The following CDKL5 variants were observed in gnomAD, a reference collection of about 807,000 sequenced individuals.
The protein encoded by CDKL5 is cyclin-dependent kinase-like 5.
CDKL5 carries 8 observed loss-of-function variants against 61.7 expected under a neutral mutation model. That is an observed-to-expected ratio of 0.13 (90% CI 0.08 to 0.23). CDKL5 has a LOEUF of 0.23. CDKL5 is among the 10% of genes least tolerant of loss of function. CDKL5 has a pLI of 1.00. For missense variants in CDKL5, 440 were observed against 734.5 expected (o/e 0.60, Z 4.63); for synonymous variants, 275 against 272.3 (o/e 1.01, Z -0.10).
chrX:18,630,135 T>C lies in CDKL5; in HGVS notation c.*1378T>C. 1.3e-6 allele frequency: 1 copy of C among 753,406 alleles called. No homozygotes were observed. 62.1% of individuals were successfully genotyped at this position (753,406 alleles called of 1,213,427 possible). A position where few individuals can be genotyped will look rare whatever the true frequency, so the allele number is the denominator to read the frequency against. On this transcript the variant is annotated 3_prime_UTR_variant, in exon 18 of 18. Coordinates refer to ENST00000623535, the MANE Select transcript of CDKL5 (RefSeq NM_001323289.2). Reference sequence around the variant, plus strand: ...GATAGATAAAAAATTACTCTATCCATTTTTTTCTTCCTGGGGCTGTCCACT... The same window carrying C: ...GATAGATAAAAAATTACTCTATCCACTTTTTTCTTCCTGGGGCTGTCCACT...
chrX:18,580,005 C>T (rs1925426994), intron 6 of CDKL5, 37 bp downstream of exon 6: 2 of 1,087,350 alleles, frequency 1.8e-6, no homozygotes, highest in African/African-American at 3.6e-5. Context: ...AATATTAAAA[C>T]ATCAAATAAA....
chrX:18,519,642 A>G (rs150779706), intron 3 of CDKL5, among the ~76,000 whole-genome samples: 3,953 of 111,393 alleles, frequency 0.035, 186 homozygotes, highest in African/African-American at 0.12. Context: ...ACAGAGACGC[A>G]TATAGTCTAT....
At chrX:18,613,521 A>G (rs958307210) in intron 15 of CDKL5, among the ~76,000 whole-genome samples, 2 of 111,931 alleles carry the variant, frequency 1.8e-5, no homozygotes, top group African/African-American at 3.3e-5. Context: ...TACGCTTTCC[A>G]CTGTGTTGTT....
chrX:18,627,802 A>T (rs2147178363), intron 17 of CDKL5: 1 of 111,498 alleles, frequency 9.0e-6, no homozygotes, highest in Admixed American at 9.5e-5. Context: ...AGCAAAAAAA[A>T]AAAAAAAAAA....
intron 11 of CDKL5, among the ~76,000 whole-genome samples, chrX:18,601,063 G>A (rs1396153059): frequency 8.9e-6 from 1 of 111,852 alleles, no homozygotes; most frequent in Non-Finnish European, 1.9e-5. Context: ...CCATTTTAGA[G>A]ATGCTCACAG....
chrX:18,428,027 C>T (rs1228331293), intron 1 of CDKL5, among the ~76,000 whole-genome samples: 2 of 111,673 alleles, frequency 1.8e-5, no homozygotes, highest in Non-Finnish European at 3.8e-5. Flanking sequence ...TGACTGATTG[C>T]GAATCAGATG....
chrX:18,603,525 A>G (rs1926242535), intron 11 of CDKL5, among the ~76,000 whole-genome samples: 1 of 112,474 alleles, frequency 8.9e-6, no homozygotes, highest in African/African-American at 3.2e-5. Flanking sequence ...ATTCAAGCAG[A>G]CAAAAGAGTT....
intron 1 of CDKL5, among the ~76,000 whole-genome samples, chrX:18,440,648 T>G (rs1931718038): frequency 8.9e-6 from 1 of 112,115 alleles, no homozygotes; most frequent in Non-Finnish European, 1.9e-5. Context: ...TAATTTTGTA[T>G]TTTTAGTAGA....
chrX:18,624,134 A>G (rs894796195), intron 16 of CDKL5: 5 of 179,844 alleles, frequency 2.8e-5, no homozygotes, highest in African/African-American at 1.6e-4. Flanking sequence ...AGTTCCATAA[A>G]TTCACTGGGA....
chrX:18,457,397 G>A (rs1305555876), intron 1 of CDKL5: 2 of 111,286 alleles, frequency 1.8e-5, no homozygotes, highest in African/African-American at 3.3e-5. Flanking sequence ...GATTATTTTG[G>A]TACTTTGTTG....
At chrX:18,427,970 T>C (rs771385507) in intron 1 of CDKL5, among the ~76,000 whole-genome samples, 15 of 111,815 alleles carry the variant, frequency 1.3e-4, no homozygotes, top group Middle Eastern at 4.6e-3. Context: ...AAGGCTCCCA[T>C]TGAAAGAAAT....
intron 1 of CDKL5, among the ~76,000 whole-genome samples, chrX:18,484,319 C>CT (rs201465854): frequency 3.7e-4 from 40 of 107,849 alleles, no homozygotes; most frequent in Middle Eastern, 4.7e-3. Flanking sequence ...ATAATCAATT[C>CT]TTTTTTTTTG....
downstream of CDKL5, chrX:18,641,049 C>G (rs893068490): frequency 8.9e-6 from 1 of 112,675 alleles, no homozygotes; most frequent in African/African-American, 3.2e-5. Context: ...GATGTGAGTC[C>G]TTCCCACTTC....
rs1926428973 is a variant in CDKL5 at position 18,608,263 on chromosome X, A to G, written c.1945-548A>G. On this transcript the variant is annotated intron_variant, in intron 12 of 17. Coordinates refer to ENST00000623535, the MANE Select transcript of CDKL5 (RefSeq NM_001323289.2). ...CTGTTATCCTAGAGAAGATTAAGAC[A>G]AGAATTTAAGCACATAAACTATAGT... 2.7e-5 allele frequency among the ~76,000 whole-genome samples: 3 copies of G among 112,271 alleles called. No homozygotes were observed. In the Admixed American group the frequency reaches 2.8e-4, roughly 11 times the overall value.
At chrX:18,543,664 A>G (rs569841036) in intron 3 of CDKL5, among the ~76,000 whole-genome samples, 3 of 112,226 alleles carry the variant, frequency 2.7e-5, no homozygotes, top group Non-Finnish European at 3.8e-5. Flanking sequence ...CTTCAAATAT[A>G]CTATGTATCA....
At chrX:18,450,800 C>T (rs1388761311) in intron 1 of CDKL5, among the ~76,000 whole-genome samples, 2 of 111,109 alleles carry the variant, frequency 1.8e-5, no homozygotes, top group Admixed American at 1.9e-4. Flanking sequence ...GTCTCAAACT[C>T]CTGACCTCAG....
At chrX:18,484,792 C>T (rs775984364) in intron 1 of CDKL5, among the ~76,000 whole-genome samples, 151 of 108,347 alleles carry the variant, frequency 1.4e-3, no homozygotes, top group African/African-American at 4.7e-3. Context: ...TCTGTCATCC[C>T]GGCTAGAATG....
chrX:18,552,816 C>A (rs965881822), intron 3 of CDKL5, among the ~76,000 whole-genome samples: 1 of 110,806 alleles, frequency 9.0e-6, no homozygotes, highest in African/African-American at 3.3e-5. Context: ...GAGAACATGG[C>A]AAGGAGAGAT....
In CDKL5 at chrX:18,637,016, G is replaced by A. The variant is rs759347498; in HGVS notation, c.*8259G>A. ...CTCACGCCTGTAATCCCAGCACTGTGGGAGACTGAGACGGGCAGATCACCT... is the reference window on the plus strand; with the variant it reads ...CTCACGCCTGTAATCCCAGCACTGTAGGAGACTGAGACGGGCAGATCACCT... On this transcript the variant is annotated 3_prime_UTR_variant, in exon 18 of 18. Transcript: ENST00000623535. 8.9e-6 allele frequency: 1 copy of A among 112,189 alleles called. No individual in the cohort carries two copies. Among genetic ancestry groups the A allele is most frequent in the Non-Finnish European group, 1.9e-5 (1 of 53,269 alleles). 9.2% of individuals were successfully genotyped at this position (112,189 alleles called of 1,213,427 possible). A position where few individuals can be genotyped will look rare whatever the true frequency, so the allele number is the denominator to read the frequency against.
Sources: gnomAD v4.1 joint callset for allele counts (sites outside exome capture counted in the v4.1 genomes callset) on GRCh38, gnomAD v4.1.1 for gene constraint, MANE v1.5 for transcripts, NCBI Gene and HGNC (gene_info 2026-07-23, HGNC 2026-07-21) for gene names.